Variants in DLG2 observed in about 807,000 individuals in gnomAD.
The protein encoded by DLG2 is disks large homolog 2.
A neutral mutation model predicts 132.5 loss-of-function variants in DLG2; 45 were observed. The observed-to-expected ratio is 0.34, with a 90% CI of 0.27 to 0.44. The LOEUF (loss-of-function observed/expected upper bound fraction) is 0.44, where lower values mean the gene tolerates loss of function less well. DLG2 is among the 20% of genes least tolerant of loss of function. DLG2 has a pLI of 1.00. For synonymous variants in DLG2, 424 were observed against 419.6 expected, an observed-to-expected ratio of 1.01 and a Z score of -0.13; for missense variants, 1,045 against 1,196.9, an observed-to-expected ratio of 0.87 and a Z score of 1.87.
At chr11:85,139,708 T>A (rs1002006693) in intron 5 of DLG2, among the ~76,000 whole-genome samples, 8 of 152,208 alleles carry the variant, frequency 5.3e-5, no homozygotes, top group Non-Finnish European at 1.2e-4. Context: ...ACAGTCCTCA[T>A]GGTGTACATT....
chr11:84,927,853 T>C (rs1332567362), intron 6 of DLG2, among the ~76,000 whole-genome samples: 3 of 151,978 alleles, frequency 2.0e-5, no homozygotes, highest in Non-Finnish European at 4.4e-5. Flanking sequence ...GGTGCATCAG[T>C]GTATGTTAGG....
At chr11:83,858,692 C>T (rs1275987058) in intron 16 of DLG2, among the ~76,000 whole-genome samples, 1 of 152,152 alleles carries the variant, frequency 6.6e-6, no homozygotes, top group Non-Finnish European at 1.5e-5. Flanking sequence ...GTTTTACTGA[C>T]ACACAAGGCC....
chr11:84,516,029 T>C (rs151247756), intron 7 of DLG2, among the ~76,000 whole-genome samples: 1 of 151,588 alleles, frequency 6.6e-6, no homozygotes, highest in East Asian at 1.9e-4. Context: ...AAAATATCTG[T>C]TGAGACAAAT....
At chr11:85,481,926 A>C (rs548342816) in intron 3 of DLG2, among the ~76,000 whole-genome samples, 1 of 152,108 alleles carries the variant, frequency 6.6e-6, no homozygotes, top group East Asian at 1.9e-4. Context: ...CCCCAACACT[A>C]TATAGGATCC....
chr11:84,024,700 A>G (rs1006563520), intron 11 of DLG2, among the ~76,000 whole-genome samples: 1 of 152,168 alleles, frequency 6.6e-6, no homozygotes, highest in Non-Finnish European at 1.5e-5. Flanking sequence ...ATTGAAAACA[A>G]CTGAACTCAT....
chr11:83,702,654 C>G lies in DLG2; in HGVS notation c.1826-69329G>C, dbSNP rs576552528. On this transcript the variant is annotated intron_variant, in intron 18 of 27. Coordinates refer to ENST00000376104, the MANE Select transcript of DLG2 (RefSeq NM_001142699.3). ...ACTGGGGCTGGGCCCAGAGAAAGCTCTAATTCCTGTGTGTTGATTGAAACT... is the reference window on the plus strand; with the variant it reads ...ACTGGGGCTGGGCCCAGAGAAAGCTGTAATTCCTGTGTGTTGATTGAAACT... 5.3e-5 allele frequency among the ~76,000 whole-genome samples: 8 copies of G among 152,200 alleles called. No homozygotes were observed. The South Asian group carries it at 1.7e-3, about 31-fold the overall frequency.
intron 6 of DLG2, among the ~76,000 whole-genome samples, chr11:84,680,348 A>T (rs2153705973): frequency 6.6e-6 from 1 of 152,284 alleles, no homozygotes. Flanking sequence ...CTATTGCACC[A>T]GTATCAGTAT....
chr11:85,197,071 T>A (rs1490253847), intron 4 of DLG2, among the ~76,000 whole-genome samples: 2 of 152,218 alleles, frequency 1.3e-5, no homozygotes, highest in Non-Finnish European at 2.9e-5. Context: ...GAGGGCAGTT[T>A]TAAAATGGCT....
chr11:85,442,704 A>T (rs961010659), intron 3 of DLG2, among the ~76,000 whole-genome samples: 2 of 151,184 alleles, frequency 1.3e-5, no homozygotes, highest in Non-Finnish European at 3.0e-5. Flanking sequence ...CTACCTAAAT[A>T]AAAAAAAATA....
intron 6 of DLG2, among the ~76,000 whole-genome samples, chr11:84,677,106 A>G (rs935524259): frequency 6.6e-6 from 1 of 152,082 alleles, no homozygotes; most frequent in Admixed American, 6.6e-5. Context: ...TGACAATACA[A>G]AGAAGAAAAA....
chr11:85,062,627 G>C (rs1435439296), intron 6 of DLG2, among the ~76,000 whole-genome samples: 2 of 151,408 alleles, frequency 1.3e-5, no homozygotes, highest in Admixed American at 1.3e-4. Flanking sequence ...AATAATGTTT[G>C]TTTTATTTGC....
chr11:84,641,266 A>G (rs1035472060), intron 6 of DLG2, among the ~76,000 whole-genome samples: 14 of 152,218 alleles, frequency 9.2e-5, no homozygotes, highest in African/African-American at 3.4e-4. Flanking sequence ...GAAGATAACA[A>G]TAATACCTCT....
chr11:85,582,468 A>G (rs1438572783), intron 3 of DLG2, among the ~76,000 whole-genome samples: 4 of 151,962 alleles, frequency 2.6e-5, no homozygotes, highest in Non-Finnish European at 5.9e-5. Context: ...CAAAAACTAC[A>G]TAATCCACAA....
At chr11:83,550,375 A>G (rs1269722672) in intron 19 of DLG2, among the ~76,000 whole-genome samples, 6 of 152,116 alleles carry the variant, frequency 3.9e-5, no homozygotes, top group Admixed American at 6.6e-5. Flanking sequence ...CAGATTTCAC[A>G]TGTCCGGGGG....
At chr11:84,206,182 A>G (rs2096662664) in intron 8 of DLG2, among the ~76,000 whole-genome samples, 1 of 152,066 alleles carries the variant, frequency 6.6e-6, no homozygotes, top group African/African-American at 2.4e-5. Context: ...GGAATAGAAA[A>G]CTGTTTAGTC....
chr11:85,145,454 A>G (rs955681062), intron 5 of DLG2, among the ~76,000 whole-genome samples: 2 of 151,894 alleles, frequency 1.3e-5, no homozygotes, highest in African/African-American at 4.8e-5. Flanking sequence ...AGGTCAATAC[A>G]TTTTACATTT....
intron 6 of DLG2, among the ~76,000 whole-genome samples, chr11:84,985,991 C>CAAAAAAAAAAAAAA (rs71036455): frequency 4.5e-5 from 2 of 44,226 alleles, no homozygotes; most frequent in African/African-American, 1.0e-4. Context: ...GACTCCGTCT[C>CAAAAAAAAAAAAAA]AAAAAAAAAA....
chr11:84,622,358 T>C (rs1220679004), intron 6 of DLG2, among the ~76,000 whole-genome samples: 1 of 152,190 alleles, frequency 6.6e-6, no homozygotes, highest in African/African-American at 2.4e-5. Flanking sequence ...CTATACAACA[T>C]GCTCTGACAG....
chr11:84,590,648 A>G (rs1417031757), intron 6 of DLG2, among the ~76,000 whole-genome samples: 1 of 152,166 alleles, frequency 6.6e-6, no homozygotes, highest in Non-Finnish European at 1.5e-5. Context: ...TCAATGGTAA[A>G]GTGCTATAGT....
Sources: gnomAD v4.1 joint callset for allele counts (sites outside exome capture counted in the v4.1 genomes callset) on GRCh38, gnomAD v4.1.1 for gene constraint, MANE v1.5 for transcripts, NCBI Gene and HGNC (gene_info 2026-07-23, HGNC 2026-07-21) for gene names.